Variants in RAB11FIP1 observed in about 807,000 individuals in gnomAD.
The protein encoded by RAB11FIP1 is rab11 family-interacting protein 1.
Under a neutral mutation model 83.1 loss-of-function variants are expected in RAB11FIP1, and 49 were observed. The observed-to-expected ratio is 0.59, with a 90% confidence interval of 0.47 to 0.75. The LOEUF is 0.75. Ranked by LOEUF, RAB11FIP1 falls within the 30% of genes least tolerant of loss-of-function variation. The pLI is 0.00. For missense variants in RAB11FIP1, 1,536 were observed against 1,598.7 expected (o/e 0.96, Z 0.67); for synonymous variants, 670 against 656.0 (o/e 1.02, Z -0.33).
intron 1 of RAB11FIP1, among the ~76,000 whole-genome samples, chr8:37,892,725 A>G (rs947956701): frequency 3.3e-5 from 5 of 152,082 alleles, no homozygotes; most frequent in Admixed American, 2.0e-4. Flanking sequence ...GGTGTAAGCC[A>G]CTGTGCCCAG....
chr8:37,882,486 C>T (rs1297431106), intron 1 of RAB11FIP1, among the ~76,000 whole-genome samples: 2 of 152,152 alleles, frequency 1.3e-5, no homozygotes, highest in Non-Finnish European at 2.9e-5. Flanking sequence ...TTATCACAAA[C>T]CCTTGTAGTA....
At chr8:37,867,330 T>G (rs1476742997) in intron 5 of RAB11FIP1, among the ~76,000 whole-genome samples, 10 of 152,202 alleles carry the variant, frequency 6.6e-5, no homozygotes, top group Non-Finnish European at 4.4e-5. Flanking sequence ...AGGGCCGAAA[T>G]GTAGTAGGTA....
chr8:37,875,030 A>T lies in RAB11FIP1; in HGVS notation c.1107T>A (p.Pro369=), dbSNP rs1236894387. Residue 369 remains proline, a synonymous_variant, in exon 3 of 6, where the codon CCT becomes CCA. Transcript: ENST00000330843. ...CAGAAGACAGCCCACCTCCTTCAGC[A>T]GGCTCCTTCCAAGACCCAGCCGCCA... is the stretch of plus-strand genomic sequence containing the variant. ...ENLAAGSWKE[P]AEGGGLSSDR... is the part of the protein sequence containing the mutation. 1 of 1,614,030 alleles carries T rather than the reference A, an allele frequency of 6.2e-7. No homozygotes were observed.
At chr8:37,880,277 G>A (rs1367196770) in intron 1 of RAB11FIP1, among the ~76,000 whole-genome samples, 2 of 151,900 alleles carry the variant, frequency 1.3e-5, no homozygotes, top group Non-Finnish European at 2.9e-5. Context: ...AGGCAACAAG[G>A]CAAGATCCCA....
intron 1 of RAB11FIP1, among the ~76,000 whole-genome samples, chr8:37,890,128 G>T (rs1286374399): frequency 6.6e-6 from 1 of 152,228 alleles, no homozygotes; most frequent in Non-Finnish European, 1.5e-5. Flanking sequence ...TAGTAAAAAT[G>T]AAAAGTTCTA....
intron 1 of RAB11FIP1, among the ~76,000 whole-genome samples, chr8:37,895,073 T>G (rs1366202656): frequency 6.9e-6 from 1 of 145,084 alleles, no homozygotes; most frequent in African/African-American, 2.5e-5. Flanking sequence ...TATATATGTT[T>G]TTTTTTTTTA....
At chr8:37,888,509 G>A (rs567734521) in intron 1 of RAB11FIP1, among the ~76,000 whole-genome samples, 88 of 151,786 alleles carry the variant, frequency 5.8e-4, no homozygotes, top group Non-Finnish European at 7.8e-4. Flanking sequence ...TTTTCAGACG[G>A]GCTCTGTTGC....
chr8:37,865,395 C>T (rs1246836113), intron 5 of RAB11FIP1, among the ~76,000 whole-genome samples: 1 of 151,388 alleles, frequency 6.6e-6, no homozygotes, highest in Non-Finnish European at 1.5e-5. Context: ...TCTCGGCTCA[C>T]TGCAACCTCT....
intron 3 of RAB11FIP1, among the ~76,000 whole-genome samples, chr8:37,873,735 T>C (rs1362310191): frequency 1.3e-5 from 2 of 152,292 alleles, no homozygotes; most frequent in South Asian, 2.1e-4. Context: ...TGGTTTCTTG[T>C]GGTGATTAAC....
chr8:37,871,361 T>G lies in RAB11FIP1; in HGVS notation c.3441A>C (p.Pro1147=), dbSNP rs757743026. ...AGGGTGAGACCCAGGCCTGGAGGAG[T>G]GGCTTCCTCTTGCCAAAATTTTCAA... ...GRVENFGKRK[P]LLQAWVSPSE... Residue 1147 remains proline (P), a synonymous_variant, in exon 4 of 6, where the codon CCA becomes CCC. Transcript: ENST00000330843. 1.2e-6 allele frequency: 2 copies of G among 1,613,928 alleles called. No individual in the cohort carries two copies. The highest frequency in any genetic ancestry group is 1.7e-6 in the Non-Finnish European group (2 of 1,180,022).
chr8:37,876,247 AAGGAAGGAAGG>A (rs1806606328), intron 2 of RAB11FIP1, among the ~76,000 whole-genome samples: 1 of 151,050 alleles, frequency 6.6e-6, no homozygotes, highest in African/African-American at 2.4e-5. Context: ...GGAAGGAAGG[AAGGAAGGAAGG>A]AAGGAAGAAA....
At chr8:37,868,849 G>A (rs1806393904) in intron 5 of RAB11FIP1, among the ~76,000 whole-genome samples, 1 of 151,912 alleles carries the variant, frequency 6.6e-6, no homozygotes, top group African/African-American at 2.4e-5. Flanking sequence ...GATACTTCCT[G>A]GAAATTTACC....
chr8:37,872,021 G>A lies in RAB11FIP1; in HGVS notation c.2781C>T (p.Ala927=), dbSNP rs1258589960. 1 of 1,614,134 alleles carries A rather than the reference G, an allele frequency of 6.2e-7. No individual in the cohort carries two copies. Among genetic ancestry groups the A allele is most frequent in the Non-Finnish European group, 8.5e-7 (1 of 1,180,030 alleles). ...DALVTQYQSK[A]SDHEGLLSDP... is the part of the protein sequence containing the mutation. ...CAGACAATAAACCTTCGTGGTCACT[G>A]GCTTTGCTCTGATACTGAGTCACAA... The change falls in exon 4 of 6, where the codon GCC becomes GCT. Residue 927 remains alanine (A), a synonymous_variant. Transcript: ENST00000330843.
chr8:37,873,652 A>G (rs1806533375), intron 3 of RAB11FIP1, among the ~76,000 whole-genome samples: 1 of 152,162 alleles, frequency 6.6e-6, no homozygotes, highest in African/African-American at 2.4e-5. Flanking sequence ...AGACACTTTT[A>G]TAACCAAGCA....
chr8:37,895,082 T>TA (rs1304618208), intron 1 of RAB11FIP1, among the ~76,000 whole-genome samples: 1 of 143,852 alleles, frequency 7.0e-6, no homozygotes, highest in Non-Finnish European at 1.5e-5. Flanking sequence ...TTTTTTTTTT[T>TA]AGAGACAGGC....
At chr8:37,892,801 C>T (rs1346211575) in intron 1 of RAB11FIP1, among the ~76,000 whole-genome samples, 3 of 152,132 alleles carry the variant, frequency 2.0e-5, no homozygotes, top group Non-Finnish European at 2.9e-5. Context: ...CCTCGCCTTC[C>T]TCTTCAGCCT....
chr8:37,870,339 G>T, intron 5 of RAB11FIP1, 81 bp downstream of exon 5: 1 of 770,318 alleles, frequency 1.3e-6, no homozygotes, highest in Non-Finnish European at 2.2e-6. Context: ...CGGCTGCCCA[G>T]GGAGAGGTAT....
intron 1 of RAB11FIP1, among the ~76,000 whole-genome samples, chr8:37,883,574 T>G (rs1026934132): frequency 2.0e-5 from 3 of 152,256 alleles, no homozygotes; most frequent in Admixed American, 2.0e-4. Context: ...AAAGCCACAG[T>G]GCTTGAATAT....
intron 5 of RAB11FIP1, among the ~76,000 whole-genome samples, chr8:37,867,881 G>A (rs1806373562): frequency 6.6e-6 from 1 of 152,144 alleles, no homozygotes; most frequent in South Asian, 2.1e-4. Context: ...CCAGCTTCCT[G>A]TAAACCTTTA....
Sources: gnomAD v4.1 joint callset for allele counts (sites outside exome capture counted in the v4.1 genomes callset) on GRCh38, gnomAD v4.1.1 for gene constraint, MANE v1.5 for transcripts, NCBI Gene and HGNC (gene_info 2026-07-23, HGNC 2026-07-21) for gene names.